The following ZBTB7C variants were observed in gnomAD, a reference collection of about 807,000 sequenced individuals.
ZBTB7C encodes the protein zinc finger and BTB domain containing 7C.
In ZBTB7C, 8 loss-of-function variants were observed where a neutral mutation model predicts 25.7. The ratio of observed to expected loss-of-function variants is 0.31; its 90% confidence interval spans 0.18 to 0.56. ZBTB7C has a LOEUF of 0.56. ZBTB7C is among the 20% of genes least tolerant of loss of function. The pLI is 0.91. For missense variants in ZBTB7C, 824 were observed against 855.2 expected (o/e 0.96, Z 0.46); for synonymous variants, 394 against 369.0 (o/e 1.07, Z -0.78).
chr18:48,367,200 TATACAC>T lies in ZBTB7C; in HGVS notation c.-303-28808_-303-28803del, dbSNP rs1312902268. Among the ~76,000 whole-genome samples, 195 of 65,992 alleles carry T rather than the reference TATACAC, an allele frequency of 3.0e-3. 2 individuals carry two copies. Among genetic ancestry groups the T allele is most frequent in the African/African-American group, 0.011 (169 of 15,360 alleles). The allele number at this position is 65,992 out of a possible 152,430, so 43.3% of individuals were successfully genotyped here. ...TTATATATATATATATATATATATA[TATACAC>T]ACACACACACACACACACACACACA... On this transcript the variant is annotated intron_variant, in intron 1 of 4. Transcript: ENST00000590800.
chr18:48,128,399 C>G (rs191562236), intron 3 of ZBTB7C, among the ~76,000 whole-genome samples: 2 of 152,334 alleles, frequency 1.3e-5, no homozygotes, highest in East Asian at 3.9e-4. Flanking sequence ...GCCTGAGTCC[C>G]ATCATTAGAA....
chr18:48,381,569 C>A lies in ZBTB7C; in HGVS notation c.-304+27657G>T, dbSNP rs140790221. On this transcript the variant is annotated intron_variant, in intron 1 of 4. Transcript: ENST00000590800. ...GGGAAGAGTGTGTACACAGTCACAA[C>A]AACGTAACTACTCAATATTTATTTC... Among the ~76,000 whole-genome samples the A allele has an allele frequency of 2.8e-3, 426 of 152,242 alleles. 3 individuals are homozygous for A. Among genetic ancestry groups the A allele is most frequent in the African/African-American group, 9.7e-3 (401 of 41,542 alleles).
At chr18:48,189,574 G>A (rs1286590251) in intron 2 of ZBTB7C, among the ~76,000 whole-genome samples, 1 of 152,160 alleles carries the variant, frequency 6.6e-6, no homozygotes, top group African/African-American at 2.4e-5. Flanking sequence ...TTTTAGGAAT[G>A]TGAAATTAGC....
chr18:48,251,727 T>G (rs1253992705), intron 2 of ZBTB7C, among the ~76,000 whole-genome samples: 1 of 152,248 alleles, frequency 6.6e-6, no homozygotes, highest in Non-Finnish European at 1.5e-5. Flanking sequence ...GGCCAGCTTC[T>G]TCGTGGACTA....
chr18:48,349,172 G>A (rs2046807812), intron 1 of ZBTB7C, among the ~76,000 whole-genome samples: 1 of 152,174 alleles, frequency 6.6e-6, no homozygotes, highest in Admixed American at 6.5e-5. Context: ...CAAATTGAAA[G>A]GTCACAGCAT....
At chr18:48,374,533 G>A (rs116734616) in intron 1 of ZBTB7C, among the ~76,000 whole-genome samples, 2,821 of 152,262 alleles carry the variant, frequency 0.019, 101 homozygotes, top group African/African-American at 0.064. Flanking sequence ...TTGAGCACTG[G>A]CAAGGATGCC....
intron 2 of ZBTB7C, among the ~76,000 whole-genome samples, chr18:48,237,097 A>G (rs1448263997): frequency 6.6e-6 from 1 of 152,188 alleles, no homozygotes; most frequent in Non-Finnish European, 1.5e-5. Flanking sequence ...CGGAGCAGAC[A>G]GTGGGGGAGC....
intron 1 of ZBTB7C, among the ~76,000 whole-genome samples, chr18:48,392,861 C>T (rs1157353365): frequency 1.3e-5 from 2 of 152,158 alleles, no homozygotes; most frequent in African/African-American, 4.8e-5. Flanking sequence ...TCTGGCAGGA[C>T]AGTGCAGTGA....
At chr18:48,043,881 C>T (rs993305414) in intron 3 of ZBTB7C, among the ~76,000 whole-genome samples, 1 of 152,220 alleles carries the variant, frequency 6.6e-6, no homozygotes, top group Non-Finnish European at 1.5e-5. Context: ...CTCCATCTCT[C>T]ATCCAGCTAT....
intron 3 of ZBTB7C, among the ~76,000 whole-genome samples, chr18:48,113,264 A>C (rs2039309569): frequency 6.6e-6 from 1 of 152,230 alleles, no homozygotes; most frequent in African/African-American, 2.4e-5. Flanking sequence ...CTCATCTGCT[A>C]AATGGAGATA....
chr18:48,154,179 A>G (rs1181080874), intron 3 of ZBTB7C, among the ~76,000 whole-genome samples: 2 of 152,322 alleles, frequency 1.3e-5, no homozygotes, highest in Admixed American at 6.5e-5. Flanking sequence ...GGGTCCTGAC[A>G]GACAGGCGTG....
chr18:48,273,128 A>G (rs545591158), intron 2 of ZBTB7C, among the ~76,000 whole-genome samples: 1 of 152,354 alleles, frequency 6.6e-6, no homozygotes, highest in South Asian at 2.1e-4. Context: ...TGTACACTTT[A>G]AAAGTGCGAA....
chr18:48,269,294 T>G (rs2044405869), intron 2 of ZBTB7C, among the ~76,000 whole-genome samples: 1 of 152,198 alleles, frequency 6.6e-6, no homozygotes. Context: ...GCCTTCTCAC[T>G]GTGTCCTCAC....
chr18:48,341,231 ACTT>A (rs997010212), intron 1 of ZBTB7C, among the ~76,000 whole-genome samples: 1 of 152,148 alleles, frequency 6.6e-6, no homozygotes, highest in Non-Finnish European at 1.5e-5. Context: ...CTTCTTGACT[ACTT>A]CTTGGAGCTC....
At chr18:48,395,038 A>T (rs1433707252) in intron 1 of ZBTB7C, among the ~76,000 whole-genome samples, 2 of 151,008 alleles carry the variant, frequency 1.3e-5, no homozygotes, top group Non-Finnish European at 2.9e-5. Flanking sequence ...GTGTGTGTGA[A>T]GGATGGAGTA....
chr18:48,082,531 C>G (rs7407984), intron 3 of ZBTB7C, among the ~76,000 whole-genome samples: 66,861 of 151,908 alleles, frequency 0.44, 16,175 homozygotes, highest in African/African-American at 0.65. Flanking sequence ...AGGCACAGGT[C>G]ACTGCCTTCT....
intron 1 of ZBTB7C, among the ~76,000 whole-genome samples, chr18:48,366,165 G>T (rs1199388298): frequency 6.6e-6 from 1 of 152,202 alleles, no homozygotes; most frequent in Non-Finnish European, 1.5e-5. Flanking sequence ...TGCTGACAAG[G>T]CAGATTAGCA....
At chr18:48,030,016 T>C in intron 4 of ZBTB7C, 105 bp from the exon 5 acceptor site, 1 of 1,481,520 alleles carries the variant, frequency 6.7e-7, no homozygotes. Flanking sequence ...CCTACTGCCA[T>C]GGAGTCAAAC....
intron 1 of ZBTB7C, among the ~76,000 whole-genome samples, chr18:48,366,854 C>A (rs2047232602): frequency 6.6e-6 from 1 of 151,998 alleles, no homozygotes; most frequent in Non-Finnish European, 1.5e-5. Flanking sequence ...GTGCCACTAC[C>A]ATATATGTGA....
Sources: allele counts gnomAD v4.1 joint callset (sites outside exome capture counted in the v4.1 genomes callset), GRCh38; gene constraint gnomAD v4.1.1; transcripts MANE v1.5; gene names NCBI Gene and HGNC (gene_info 2026-07-23, HGNC 2026-07-21).